GABRG3: variants seen among roughly 807,000 people sequenced by gnomAD.
GABRG3 encodes the protein gamma-aminobutyric acid type A receptor subunit gamma3.
In GABRG3, 25 loss-of-function variants were observed where a neutral mutation model predicts 48.8. The observed-to-expected ratio is 0.51, with a 90% confidence interval of 0.37 to 0.72. The LOEUF is 0.72. Ranked by LOEUF, GABRG3 falls within the 30% of genes least tolerant of loss-of-function variation. The probability of loss-of-function intolerance (pLI) is 0.00; values close to 1 mark genes in which losing one functional copy is unlikely to be tolerated. For synonymous variants in GABRG3, 227 were observed against 217.6 expected, an observed-to-expected ratio of 1.04 and a Z score of -0.38; for missense variants, 394 against 577.9, an observed-to-expected ratio of 0.68 and a Z score of 3.26.
intron 6 of GABRG3, among the ~76,000 whole-genome samples, chr15:27,505,387 G>C (rs1175004530): frequency 6.6e-6 from 1 of 152,152 alleles, no homozygotes; most frequent in African/African-American, 2.4e-5. Context: ...TTAGTACTGA[G>C]CCACTAAGTC....
At chr15:27,175,246 C>T (rs1887710578) in intron 3 of GABRG3, among the ~76,000 whole-genome samples, 2 of 152,158 alleles carry the variant, frequency 1.3e-5, no homozygotes, top group Non-Finnish European at 2.9e-5. Flanking sequence ...CCAGCCTTGT[C>T]ACCACATGCT....
At chr15:27,135,672 C>T (rs752682163) in intron 3 of GABRG3, among the ~76,000 whole-genome samples, 8 of 152,030 alleles carry the variant, frequency 5.3e-5, no homozygotes, top group Non-Finnish European at 1.2e-4. Flanking sequence ...TTTGGGAGCC[C>T]GAGGCAGGTG....
At chr15:27,256,290 A>G (rs984420609) in intron 3 of GABRG3, among the ~76,000 whole-genome samples, 7 of 151,650 alleles carry the variant, frequency 4.6e-5, no homozygotes, top group African/African-American at 1.7e-4. Context: ...AAATACAAAA[A>G]ATTAGCCGGG....
intron 5 of GABRG3, among the ~76,000 whole-genome samples, chr15:27,456,569 G>C (rs565326217): frequency 1.3e-5 from 2 of 152,152 alleles, no homozygotes; most frequent in Non-Finnish European, 2.9e-5. Context: ...CCAGTGGGTC[G>C]AGAATGCAGA....
intron 6 of GABRG3, among the ~76,000 whole-genome samples, chr15:27,510,769 A>G (rs1890877503): frequency 6.6e-6 from 1 of 152,300 alleles, no homozygotes; most frequent in East Asian, 1.9e-4. Context: ...TTATACCTCA[A>G]TTTGGCCAAG....
chr15:27,501,273 G>A (rs908542516), intron 6 of GABRG3, among the ~76,000 whole-genome samples: 1 of 152,096 alleles, frequency 6.6e-6, no homozygotes, highest in Non-Finnish European at 1.5e-5. Flanking sequence ...GTTTCTAAAT[G>A]TTGAAATGGG....
Position 27,028,184 on chromosome 15 carries a change from C to G in GABRG3, c.270+1363C>G, listed in dbSNP as rs569265849. On this transcript the variant is annotated intron_variant, in intron 3 of 9. Transcript: ENST00000615808. Reference sequence around the variant, plus strand: ...AGTGACAGGCTCCTTCACGGTGATACGGCCCTGCTGCAGGAGTGGAAGGGA... The same window carrying G: ...AGTGACAGGCTCCTTCACGGTGATAGGGCCCTGCTGCAGGAGTGGAAGGGA... Among the ~76,000 whole-genome samples the G allele has an allele frequency of 2.0e-5, 3 of 152,296 alleles. No individual in the cohort carries two copies. In the South Asian group the frequency reaches 6.2e-4, roughly 32 times the overall value.
At chr15:27,080,379 T>A (rs1279551520) in intron 3 of GABRG3, among the ~76,000 whole-genome samples, 1 of 152,144 alleles carries the variant, frequency 6.6e-6, no homozygotes, top group Admixed American at 6.6e-5. Flanking sequence ...GCAGGATCAC[T>A]TAAGCCCAGG....
intron 2 of GABRG3, among the ~76,000 whole-genome samples, chr15:27,009,940 A>ATTCTTCT (rs879812999): frequency 6.8e-6 from 1 of 146,606 alleles, no homozygotes; most frequent in Non-Finnish European, 1.5e-5. Flanking sequence ...TTCTTTCTTC[A>ATTCTTCT]TTCTTCTTTC....
intron 3 of GABRG3, among the ~76,000 whole-genome samples, chr15:27,120,049 A>T (rs1025882064): frequency 2.6e-5 from 4 of 152,256 alleles, no homozygotes; most frequent in African/African-American, 9.6e-5. Flanking sequence ...GGTGGGGATC[A>T]TGGAAGATTC....
intron 3 of GABRG3, among the ~76,000 whole-genome samples, chr15:27,069,149 G>A (rs561180460): frequency 1.8e-4 from 27 of 152,312 alleles, no homozygotes; most frequent in African/African-American, 5.1e-4. Flanking sequence ...CAGGGGTGCC[G>A]TGTGCCCTTG....
At chr15:27,190,164 C>G (rs1888245255) in intron 3 of GABRG3, among the ~76,000 whole-genome samples, 1 of 152,180 alleles carries the variant, frequency 6.6e-6, no homozygotes, top group Admixed American at 6.5e-5. Flanking sequence ...CAATGTTCAT[C>G]AAGGATACTG....
At chr15:27,480,552 T>C (rs1890073620) in intron 5 of GABRG3, 98 bp from the exon 6 acceptor site, 2 of 1,177,188 alleles carry the variant, frequency 1.7e-6, no homozygotes, top group Non-Finnish European at 1.2e-6. Flanking sequence ...AAAGTTTAAC[T>C]CCTAACTCCT....
chr15:27,069,016 C>A (rs1015797967), intron 3 of GABRG3, among the ~76,000 whole-genome samples: 10 of 152,154 alleles, frequency 6.6e-5, no homozygotes, highest in African/African-American at 2.4e-4. Context: ...CCCCACCTTG[C>A]AAATGGGACC....
chr15:27,135,986 C>A (rs932987804), intron 3 of GABRG3, among the ~76,000 whole-genome samples: 1 of 152,034 alleles, frequency 6.6e-6, no homozygotes, highest in Admixed American at 6.6e-5. Flanking sequence ...AAGGTTGTAC[C>A]CAAAGCGGAT....
chr15:27,186,803 G>A (rs1481114176), intron 3 of GABRG3, among the ~76,000 whole-genome samples: 1 of 152,044 alleles, frequency 6.6e-6, no homozygotes, highest in African/African-American at 2.4e-5. Context: ...TTTACAAAGT[G>A]TTCTTAATCT....
At chr15:27,204,414 T>C (rs1388858312) in intron 3 of GABRG3, among the ~76,000 whole-genome samples, 1 of 152,130 alleles carries the variant, frequency 6.6e-6, no homozygotes, top group Non-Finnish European at 1.5e-5. Flanking sequence ...TGTATGTTTT[T>C]GTACCAGTAC....
At chr15:27,200,942 A>T (rs115189531) in intron 3 of GABRG3, among the ~76,000 whole-genome samples, 1 of 152,020 alleles carries the variant, frequency 6.6e-6, no homozygotes, top group East Asian at 1.9e-4. Context: ...TAGCTCATCC[A>T]TACTTCATGA....
At chr15:27,415,293 T>C (rs543337756) in intron 5 of GABRG3, among the ~76,000 whole-genome samples, 1 of 152,274 alleles carries the variant, frequency 6.6e-6, no homozygotes, top group South Asian at 2.1e-4. Context: ...CTCAGAGATG[T>C]TTCTCCTGAG....
Sources: gnomAD v4.1 joint callset for allele counts (sites outside exome capture counted in the v4.1 genomes callset) on GRCh38, gnomAD v4.1.1 for gene constraint, MANE v1.5 for transcripts, NCBI Gene and HGNC (gene_info 2026-07-23, HGNC 2026-07-21) for gene names.